BAIAP2: variants seen among roughly 807,000 people sequenced by gnomAD.
BAIAP2 encodes BAR/IMD domain containing adaptor protein 2.
A neutral mutation model predicts 63.0 loss-of-function variants in BAIAP2; 18 were observed. The observed-to-expected ratio is 0.29, with a 90% CI of 0.20 to 0.42. The LOEUF (loss-of-function observed/expected upper bound fraction) is 0.42, where lower values mean the gene tolerates loss of function less well. Among genes scored for constraint, BAIAP2 ranks in the 10% least tolerant of loss-of-function variants. The pLI, the probability that BAIAP2 is intolerant of heterozygous loss-of-function variation, is 1.00. For synonymous variants in BAIAP2, 386 were observed against 307.6 expected (o/e 1.25, Z -2.67); for missense variants, 610 against 734.3 (o/e 0.83, Z 1.96).
intron 7 of BAIAP2, among the ~76,000 whole-genome samples, chr17:81,101,051 G>A (rs760660373): frequency 4.6e-5 from 7 of 150,784 alleles, no homozygotes; most frequent in South Asian, 2.2e-4. Flanking sequence ...GGCGTCCCCC[G>A]GCACAGTCCT....
At position 81,086,585 on chromosome 17, in the gene BAIAP2, G is replaced by A; in HGVS notation, c.489+5G>A. 2 of 1,612,628 alleles carry A rather than the reference G, an allele frequency of 1.2e-6. No homozygotes were observed. The highest frequency in any genetic ancestry group is 1.1e-5 in the South Asian group (1 of 91,044). ...TACTCGGACAAGGAGCTGCAGGTAG[G>A]CCCGCCACCCCCGCTGTGGTGCCTC... On this transcript the variant is annotated splice_donor_5th_base_variant and intron_variant, in intron 6 of 13. Transcript: ENST00000428708.
intron 1 of BAIAP2, chr17:81,036,973 G>A: frequency 3.9e-6 from 6 of 1,535,060 alleles, no homozygotes; most frequent in Non-Finnish European, 5.2e-6. Context: ...TGAGTACATG[G>A]AGTGGTTTTG....
chr17:81,106,346 C>T (rs938668493), intron 11 of BAIAP2, among the ~76,000 whole-genome samples, 200 bp downstream of exon 11: 1 of 152,164 alleles, frequency 6.6e-6, no homozygotes, highest in Non-Finnish European at 1.5e-5. Flanking sequence ...GCAGTGGGGC[C>T]CGAGAGCCCT....
chr17:81,109,486 T>A, intron 13 of BAIAP2: 1 of 985,132 alleles, frequency 1.0e-6, no homozygotes, highest in South Asian at 4.7e-5. Flanking sequence ...TTATCTCGCA[T>A]CCGACTTCCC....
At chr17:81,088,169 G>A in intron 6 of BAIAP2, among the ~76,000 whole-genome samples, 1 of 152,150 alleles carries the variant, frequency 6.6e-6, no homozygotes, top group East Asian at 1.9e-4. Context: ...CCGCCTCCGA[G>A]CAGGTCAGGA....
In BAIAP2 at chr17:81,106,726, T is replaced by G. The variant is rs749208297; in HGVS notation, c.1338-19T>G. The G allele has an allele frequency of 1.9e-6, 3 of 1,612,194 alleles. No homozygotes were observed. On this transcript the variant is annotated intron_variant, in intron 11 of 13. Transcript: ENST00000428708. ...GGCATCCGGCCTGCTGGGCCGCCTC[T>G]GAGTCCCTGTCCCTACAGCCTGCAG...
At chr17:81,106,651 C>A in intron 11 of BAIAP2, 94 bp from the exon 12 acceptor site, 1 of 1,470,526 alleles carries the variant, frequency 6.8e-7, no homozygotes, top group Non-Finnish European at 9.4e-7. Context: ...GTGGCGTGGG[C>A]TAGGTGAGGG....
chr17:81,074,674 G>T (rs904428927), intron 3 of BAIAP2, among the ~76,000 whole-genome samples: 2 of 146,540 alleles, frequency 1.4e-5, no homozygotes, highest in African/African-American at 5.1e-5. Flanking sequence ...GCACGGATGC[G>T]TATGAGTGCC....
intron 3 of BAIAP2, among the ~76,000 whole-genome samples, chr17:81,082,412 G>A (rs550913477): frequency 4.6e-5 from 7 of 152,128 alleles, no homozygotes; most frequent in Non-Finnish European, 1.0e-4. Flanking sequence ...TGTCATCTTC[G>A]CAGGCAGAGG....
At chr17:81,113,248 C>T (rs1180797447) in intron 13 of BAIAP2, among the ~76,000 whole-genome samples, 4 of 152,188 alleles carry the variant, frequency 2.6e-5, no homozygotes, top group Non-Finnish European at 5.9e-5. Context: ...CTCTTGGACA[C>T]GTCTGGTGAC....
chr17:81,104,728 C>CG lies in BAIAP2; in HGVS notation c.1268+18dup. The CG allele has an allele frequency of 6.4e-7, 1 of 1,551,844 alleles. No individual in the cohort carries two copies. The highest frequency in any genetic ancestry group is 8.7e-7 in the Non-Finnish European group (1 of 1,145,154). On this transcript the variant is annotated intron_variant, in intron 10 of 13. Coordinates refer to ENST00000428708, the MANE Select transcript of BAIAP2 (RefSeq NM_001144888.2). Reference sequence around the variant, plus strand: ...AGAAGACCAAGATGTGAGTGTTTCTCGGGGGCGGGCTCCAGGCAGCCGCTG... The same window carrying CG: ...AGAAGACCAAGATGTGAGTGTTTCTCGGGGGGCGGGCTCCAGGCAGCCGCTG...
chr17:81,109,815 C>G (rs1476547393), intron 13 of BAIAP2: 27 of 985,324 alleles, frequency 2.7e-5, no homozygotes, highest in Non-Finnish European at 3.0e-5. Flanking sequence ...ACCACCCCAC[C>G]CCCACATTCC....
rs1040171044 is a variant in BAIAP2 at position 81,064,770 on chromosome 17, A to G, written c.217+6803A>G. 2.6e-5 allele frequency among the ~76,000 whole-genome samples: 4 copies of G among 152,070 alleles called. No individual in the cohort carries two copies. In the East Asian group the frequency reaches 7.7e-4, roughly 29 times the overall value. ...CAGCCTCGGGCTTTGTGGCCTGCAGACCTCACAGACGGAAGGGCCTCCCGT... is the reference window on the plus strand; with the variant it reads ...CAGCCTCGGGCTTTGTGGCCTGCAGGCCTCACAGACGGAAGGGCCTCCCGT... On this transcript the variant is annotated intron_variant, in intron 3 of 13. Coordinates refer to ENST00000428708, the MANE Select transcript of BAIAP2 (RefSeq NM_001144888.2).
chr17:81,083,548 C>G (rs1262199226), intron 3 of BAIAP2: 2 of 152,184 alleles, frequency 1.3e-5, no homozygotes, highest in Non-Finnish European at 2.9e-5. Flanking sequence ...TCTCTCGTAC[C>G]AACTCCAGGG....
At chr17:81,061,682 A>T (rs971332010) in intron 3 of BAIAP2, among the ~76,000 whole-genome samples, 4 of 152,084 alleles carry the variant, frequency 2.6e-5, no homozygotes, top group South Asian at 2.1e-4. Flanking sequence ...GTTGATGGAC[A>T]CCTGGGTGTT....
intron 13 of BAIAP2, chr17:81,109,936 C>T: frequency 2.0e-6 from 2 of 985,344 alleles, no homozygotes; most frequent in Non-Finnish European, 1.2e-6. Flanking sequence ...CACGCCGCAC[C>T]CACGCCCCCC....
intron 13 of BAIAP2, chr17:81,109,582 G>A (rs1598837089): frequency 1.0e-6 from 1 of 985,344 alleles, no homozygotes; most frequent in Non-Finnish European, 1.2e-6. Flanking sequence ...AGAGAAAGGG[G>A]GCTCGTGCCA....
At chr17:81,110,969 CT>C in intron 13 of BAIAP2, 2 of 1,613,832 alleles carry the variant, frequency 1.2e-6, no homozygotes, top group South Asian at 1.1e-5. Context: ...AGTAAGTTGC[CT>C]GGCGTTCTCG....
At chr17:81,111,062 A>C in intron 13 of BAIAP2, 3 of 1,406,716 alleles carry the variant, frequency 2.1e-6, no homozygotes, top group Non-Finnish European at 3.0e-6. Context: ...GCCCGGCTGC[A>C]TGGCGGGGCC....
Sources: allele counts gnomAD v4.1 joint callset (sites outside exome capture counted in the v4.1 genomes callset), GRCh38; gene constraint gnomAD v4.1.1; transcripts MANE v1.5; gene names NCBI Gene and HGNC (gene_info 2026-07-23, HGNC 2026-07-21).